P4HA1: variants seen among roughly 807,000 people sequenced by gnomAD.
P4HA1 encodes prolyl 4-hydroxylase subunit alpha-1.
In P4HA1, 24 loss-of-function variants were observed where a neutral mutation model predicts 72.8. The ratio of observed to expected loss-of-function variants is 0.33; its 90% CI spans 0.24 to 0.46. The LOEUF (loss-of-function observed/expected upper bound fraction) is 0.46, where lower values mean the gene tolerates loss of function less well. Ranked by LOEUF, P4HA1 falls within the 20% of genes least tolerant of loss-of-function variation. The probability of loss-of-function intolerance (pLI) is 1.00; values close to 1 mark genes in which losing one functional copy is unlikely to be tolerated. For missense variants in P4HA1, 446 were observed against 640.6 expected (o/e 0.70, Z 3.28); for synonymous variants, 201 against 218.8 (o/e 0.92, Z 0.72).
intron 5 of P4HA1, 73 bp downstream of exon 5, chr10:73,068,773 C>G: frequency 8.2e-7 from 1 of 1,213,942 alleles, no homozygotes; most frequent in Non-Finnish European, 1.2e-6. Context: ...CTTTTTTATA[C>G]TAACATTGTG....
At chr10:73,038,309 A>G (rs562509716) in intron 9 of P4HA1, among the ~76,000 whole-genome samples, 1 of 152,326 alleles carries the variant, frequency 6.6e-6, no homozygotes, top group African/African-American at 2.4e-5. Context: ...ATATACATAT[A>G]TATCATGTTA....
intron 9 of P4HA1, among the ~76,000 whole-genome samples, chr10:73,039,519 G>A (rs746570402): frequency 6.6e-6 from 1 of 152,022 alleles, no homozygotes; most frequent in Non-Finnish European, 1.5e-5. Context: ...GTGTTAGCCA[G>A]AACGGTCTCG....
At chr10:73,049,981 TAA>T (rs1840977779) in intron 7 of P4HA1, among the ~76,000 whole-genome samples, 2 of 151,938 alleles carry the variant, frequency 1.3e-5, no homozygotes, top group Non-Finnish European at 2.9e-5. Flanking sequence ...CTGGCCAACA[TAA>T]GGAAACCCCG....
chr10:73,075,744 T>A (rs113047417), intron 1 of P4HA1, among the ~76,000 whole-genome samples: 3,590 of 147,024 alleles, frequency 0.024, 62 homozygotes, highest in Middle Eastern at 0.048. Context: ...ATATATATAG[T>A]GTGTGTGTGT....
At chr10:73,070,767 T>G (rs1841539475) in intron 4 of P4HA1, among the ~76,000 whole-genome samples, 1 of 152,168 alleles carries the variant, frequency 6.6e-6, no homozygotes, top group African/African-American at 2.4e-5. Flanking sequence ...TTAAAATATA[T>G]ATACTCTCTC....
chr10:73,049,976 C>CA (rs938848968), intron 7 of P4HA1, among the ~76,000 whole-genome samples: 2 of 151,912 alleles, frequency 1.3e-5, no homozygotes, highest in African/African-American at 4.8e-5. Flanking sequence ...CCAGCCTGGC[C>CA]AACATAAGGA....
intron 5 of P4HA1, among the ~76,000 whole-genome samples, chr10:73,060,451 T>C (rs966792433): frequency 2.0e-5 from 3 of 152,168 alleles, no homozygotes; most frequent in African/African-American, 7.2e-5. Flanking sequence ...GGAAAACCTG[T>C]AGTCCCAGCT....
At chr10:73,050,979 G>T in intron 7 of P4HA1, 74 bp downstream of exon 7, 1 of 1,031,552 alleles carries the variant, frequency 9.7e-7, no homozygotes, top group Non-Finnish European at 1.5e-6. Context: ...TAAAATAACT[G>T]ATTCTCTCCA....
At chr10:73,055,928 G>A (rs1238020707) in intron 5 of P4HA1, among the ~76,000 whole-genome samples, 1 of 152,192 alleles carries the variant, frequency 6.6e-6, no homozygotes, top group Non-Finnish European at 1.5e-5. Context: ...ATGTTTAAAA[G>A]TAAGAAATGG....
At position 73,016,914 on chromosome 10, in the gene P4HA1, C is replaced by G; in HGVS notation, c.1249-15G>C. 1 of 1,603,340 alleles carries G rather than the reference C, an allele frequency of 6.2e-7. No individual in the cohort carries two copies. Among genetic ancestry groups the G allele is most frequent in the African/African-American group, 1.3e-5 (1 of 74,716 alleles). On this transcript the variant is annotated splice_polypyrimidine_tract_variant and intron_variant, in intron 10 of 14. Coordinates refer to ENST00000394890, the MANE Select transcript of P4HA1 (RefSeq NM_001017962.3). The stretch of plus-strand genomic sequence containing the variant: ...TAATTTGCTACCTGAAGGAAAGACA[C>G]AAAGCATGAAAGAAAAGAACTATAA...
chr10:73,056,799 G>A (rs1488935891), intron 5 of P4HA1, among the ~76,000 whole-genome samples: 2 of 152,136 alleles, frequency 1.3e-5, no homozygotes, highest in East Asian at 1.9e-4. Flanking sequence ...CGTGGCTCAC[G>A]CCTGTAATCC....
intron 5 of P4HA1, among the ~76,000 whole-genome samples, chr10:73,059,614 G>A (rs1232421387): frequency 2.0e-5 from 3 of 150,934 alleles, no homozygotes; most frequent in Admixed American, 1.3e-4. Flanking sequence ...ATGGTGGCGG[G>A]CGCCTATAGT....
intron 1 of P4HA1, among the ~76,000 whole-genome samples, chr10:73,086,900 C>A (rs1454782472): frequency 1.5e-5 from 2 of 136,294 alleles, no homozygotes; most frequent in Non-Finnish European, 3.0e-5. Flanking sequence ...TGTCACTGCA[C>A]TCCAGCCTGG....
intron 1 of P4HA1, among the ~76,000 whole-genome samples, chr10:73,077,569 T>C (rs1841728675): frequency 6.6e-6 from 1 of 152,184 alleles, no homozygotes; most frequent in Non-Finnish European, 1.5e-5. Flanking sequence ...CCTTACATAA[T>C]GTTTCAAAAT....
intron 10 of P4HA1, among the ~76,000 whole-genome samples, chr10:73,019,885 G>C (rs943719001): frequency 6.6e-6 from 1 of 151,752 alleles, no homozygotes; most frequent in Non-Finnish European, 1.5e-5. Flanking sequence ...TAATGAAAAA[G>C]GATAAAGAGA....
chr10:73,047,887 C>T (rs1840912139), intron 7 of P4HA1, among the ~76,000 whole-genome samples: 1 of 151,960 alleles, frequency 6.6e-6, no homozygotes, highest in Non-Finnish European at 1.5e-5. Context: ...CTCGTCTCTA[C>T]AAAAAATTTA....
chr10:73,056,589 G>A (rs187700547), intron 5 of P4HA1, among the ~76,000 whole-genome samples: 20 of 152,100 alleles, frequency 1.3e-4, no homozygotes, highest in Admixed American at 6.5e-4. Flanking sequence ...CCAAGATCAC[G>A]CCATTGCGGT....
intron 1 of P4HA1, among the ~76,000 whole-genome samples, chr10:73,094,286 A>G (rs1444463737): frequency 6.6e-6 from 1 of 152,160 alleles, no homozygotes; most frequent in African/African-American, 2.4e-5. Context: ...GCCCAGCTCG[A>G]TTTTCAGAAA....
At chr10:73,053,134 A>T (rs1324301867) in intron 6 of P4HA1, among the ~76,000 whole-genome samples, 1 of 152,244 alleles carries the variant, frequency 6.6e-6, no homozygotes, top group Admixed American at 6.5e-5. Context: ...AATATAGAGC[A>T]AAGAAACACA....
Sources: gnomAD v4.1 joint callset for allele counts (sites outside exome capture counted in the v4.1 genomes callset) on GRCh38, gnomAD v4.1.1 for gene constraint, MANE v1.5 for transcripts, NCBI Gene and HGNC (gene_info 2026-07-23, HGNC 2026-07-21) for gene names.